Variants in RASAL2 observed in about 807,000 individuals in gnomAD.
RASAL2 encodes RAS protein activator like 2.
Under a neutral mutation model 128.9 loss-of-function variants are expected in RASAL2, and 58 were observed. The ratio of observed to expected loss-of-function variants is 0.45; its 90% CI spans 0.36 to 0.56. RASAL2 has a LOEUF of 0.56. Ranked by LOEUF, RASAL2 falls within the 20% of genes least tolerant of loss-of-function variation. RASAL2 has a pLI of 0.00. For synonymous variants in RASAL2, 561 were observed against 580.8 expected (o/e 0.97, Z 0.49); for missense variants, 1,360 against 1,601.6 (o/e 0.85, Z 2.57).
chr1:178,183,590 T>C (rs1485878832), intron 1 of RASAL2, among the ~76,000 whole-genome samples: 1 of 152,220 alleles, frequency 6.6e-6, no homozygotes, highest in Non-Finnish European at 1.5e-5. Flanking sequence ...TCATAGAGTA[T>C]GTAGACTTCT....
At chr1:178,421,884 T>A (rs1424411713) in intron 5 of RASAL2, among the ~76,000 whole-genome samples, 1 of 152,052 alleles carries the variant, frequency 6.6e-6, no homozygotes, top group East Asian at 1.9e-4. Context: ...TACCTCTTTG[T>A]TTTAAGGTAA....
rs2102990051 is a variant in RASAL2 at position 178,478,499 on chromosome 1, T to C, written c.*5260T>C. 1 of 152,348 alleles carries C rather than the reference T, an allele frequency of 6.6e-6. No homozygotes were observed. The highest frequency in any genetic ancestry group is 2.1e-4 in the South Asian group (1 of 4,826). 9.4% of individuals were successfully genotyped at this position (152,348 alleles called of 1,614,324 possible). On this transcript the variant is annotated 3_prime_UTR_variant, in exon 18 of 18. Transcript: ENST00000367649. ...GAGGAAATGACCTTCTAAATTTGAT[T>C]TTGTTTTTCATCTCCAGGGCCTTAA...
At chr1:178,168,586 G>A (rs1430431650) in intron 1 of RASAL2, among the ~76,000 whole-genome samples, 2 of 152,038 alleles carry the variant, frequency 1.3e-5, no homozygotes, top group African/African-American at 2.4e-5. Context: ...ATTGTGGTAT[G>A]TACCATCTTT....
intron 4 of RASAL2, among the ~76,000 whole-genome samples, chr1:178,406,508 T>C (rs1168835696): frequency 6.6e-6 from 1 of 152,212 alleles, no homozygotes; most frequent in Admixed American, 6.5e-5. Flanking sequence ...TGGTACAGCA[T>C]ACATTTATCA....
At chr1:178,444,013 A>G (rs1396053599) in intron 8 of RASAL2, among the ~76,000 whole-genome samples, 2 of 152,164 alleles carry the variant, frequency 1.3e-5, no homozygotes, top group African/African-American at 4.8e-5. Context: ...GAATATATCA[A>G]TATATTCAAT....
intron 3 of RASAL2, among the ~76,000 whole-genome samples, chr1:178,359,375 A>C (rs1026812582): frequency 6.6e-6 from 1 of 152,140 alleles, no homozygotes; most frequent in African/African-American, 2.4e-5. Context: ...ATATTTATTC[A>C]TTTCTCCCAA....
chr1:178,172,846 C>T (rs1401323987), intron 1 of RASAL2, among the ~76,000 whole-genome samples: 1 of 151,970 alleles, frequency 6.6e-6, no homozygotes, highest in Non-Finnish European at 1.5e-5. Flanking sequence ...TCATTGGTGA[C>T]ATGATTTTTC....
intron 1 of RASAL2, among the ~76,000 whole-genome samples, chr1:178,177,803 G>A (rs1290869150): frequency 6.6e-6 from 1 of 152,138 alleles, no homozygotes; most frequent in East Asian, 1.9e-4. Context: ...TACAACTATA[G>A]TATAAATAAC....
chr1:178,258,903 A>G lies in RASAL2; in HGVS notation c.203-24661A>G, dbSNP rs1001451543. 9.9e-5 allele frequency among the ~76,000 whole-genome samples: 15 copies of G among 152,158 alleles called. No homozygotes were observed. In the East Asian group the frequency reaches 2.3e-3, roughly 23 times the overall value. On this transcript the variant is annotated intron_variant, in intron 1 of 17. Coordinates refer to ENST00000367649, the MANE Select transcript of RASAL2 (RefSeq NM_170692.4). Reference sequence around the variant, plus strand: ...TGTATAAATAAAATGTAGTATATCTATACAATAGAATAATAATCAGCCCTA... The same window carrying G: ...TGTATAAATAAAATGTAGTATATCTGTACAATAGAATAATAATCAGCCCTA...
Position 178,283,840 on chromosome 1 carries a change from T to A in RASAL2, c.330+149T>A, listed in dbSNP as rs896145257. The A allele has an allele frequency of 1.5e-4, 133 of 905,714 alleles. 1 individual carries two copies. Among genetic ancestry groups the A allele is most frequent in the Middle Eastern group, 3.5e-4 (1 of 2,878 alleles). 56.1% of individuals were successfully genotyped at this position (905,714 alleles called of 1,614,324 possible). On this transcript the variant is annotated intron_variant, in intron 2 of 17. Transcript: ENST00000367649. ...TAAGTCTAAAAGGCTGCTAATGTCA[T>A]AAAGATATGTTATCTTCATGAAGGA... is the stretch of plus-strand genomic sequence containing the variant.
chr1:178,462,073 C>T (rs1678239575), intron 14 of RASAL2, among the ~76,000 whole-genome samples: 1 of 152,132 alleles, frequency 6.6e-6, no homozygotes, highest in African/African-American at 2.4e-5. Context: ...CTTTGATGAT[C>T]ATGTTGAAAG....
chr1:178,182,915 G>A (rs867678011), intron 1 of RASAL2, among the ~76,000 whole-genome samples: 4 of 152,150 alleles, frequency 2.6e-5, no homozygotes, highest in Admixed American at 6.6e-5. Flanking sequence ...ATCGTCAGGC[G>A]TTAAGATTCT....
chr1:178,175,355 C>T (rs758858300), intron 1 of RASAL2, among the ~76,000 whole-genome samples: 1 of 151,652 alleles, frequency 6.6e-6, no homozygotes, highest in Non-Finnish European at 1.5e-5. Flanking sequence ...ACCTAGACTT[C>T]CAAATTTCAC....
intron 2 of RASAL2, among the ~76,000 whole-genome samples, chr1:178,287,977 T>C (rs1231815972): frequency 3.3e-5 from 5 of 152,088 alleles, no homozygotes; most frequent in Admixed American, 6.6e-5. Flanking sequence ...CAAAAACCTA[T>C]TGAAATAATA....
chr1:178,101,993 CCT>C (rs1181987044), intron 1 of RASAL2, among the ~76,000 whole-genome samples: 1 of 151,544 alleles, frequency 6.6e-6, no homozygotes, highest in Non-Finnish European at 1.5e-5. Flanking sequence ...TCATAGTAAT[CCT>C]TAAGAGATAG....
chr1:178,285,736 C>A (rs1327540364), intron 2 of RASAL2, among the ~76,000 whole-genome samples: 1 of 152,156 alleles, frequency 6.6e-6, no homozygotes, highest in African/African-American at 2.4e-5. Context: ...GTACTGTCAG[C>A]AGTCTTTTCT....
At chr1:178,209,842 G>A (rs933281090) in intron 1 of RASAL2, among the ~76,000 whole-genome samples, 1 of 151,262 alleles carries the variant, frequency 6.6e-6, no homozygotes, top group African/African-American at 2.4e-5. Context: ...CCTGTTTTAG[G>A]GGCCTTCTTT....
intron 3 of RASAL2, among the ~76,000 whole-genome samples, chr1:178,355,646 T>A (rs1357925993): frequency 6.6e-6 from 1 of 152,202 alleles, no homozygotes; most frequent in East Asian, 1.9e-4. Flanking sequence ...TTTATTAATA[T>A]TAATAACTTC....
chr1:178,344,351 C>A (rs575072242), intron 3 of RASAL2, among the ~76,000 whole-genome samples: 4 of 152,174 alleles, frequency 2.6e-5, no homozygotes, highest in Admixed American at 1.3e-4. Context: ...CAGTTAAATC[C>A]CCAAGAATGA....
Sources: gnomAD v4.1 joint callset for allele counts (sites outside exome capture counted in the v4.1 genomes callset) on GRCh38, gnomAD v4.1.1 for gene constraint, MANE v1.5 for transcripts, NCBI Gene and HGNC (gene_info 2026-07-23, HGNC 2026-07-21) for gene names.